RTL4: variants seen among roughly 807,000 people sequenced by gnomAD.
The protein encoded by RTL4 is retrotransposon Gag like 4.
RTL4 carries 4 observed loss-of-function variants against 5.3 expected under a neutral mutation model. The ratio of observed to expected loss-of-function variants is 0.75; its 90% CI spans 0.37 to 1.72. The LOEUF (loss-of-function observed/expected upper bound fraction) is 1.72, where lower values mean the gene tolerates loss of function less well. RTL4 is among the 40% of genes most tolerant of loss of function. RTL4 has a pLI of 0.04. For missense variants in RTL4, 260 were observed against 227.1 expected (o/e 1.14, Z -0.93); for synonymous variants, 98 against 87.3 (o/e 1.12, Z -0.68).
the RTL4 span, among the ~76,000 whole-genome samples, chrX:112,426,895 A>AAATGG: frequency 6.0e-3 from 675 of 111,592 alleles, 5 homozygotes; most frequent in Non-Finnish European, 0.011. Context: ...AAATGAAATG[A>AAATGG]AATAAAATCA....
the RTL4 span, among the ~76,000 whole-genome samples, chrX:112,153,069 G>C: frequency 9.0e-6 from 1 of 111,659 alleles, no homozygotes; most frequent in African/African-American, 3.2e-5. Context: ...TAATTTGTTG[G>C]CATTTTCTGC....
upstream of RTL4, among the ~76,000 whole-genome samples, chrX:112,451,810 T>C (rs938850198): frequency 1.8e-5 from 2 of 111,257 alleles, no homozygotes; most frequent in African/African-American, 6.5e-5. Flanking sequence ...GTACCACCCA[T>C]TTTATGTTAT....
At chrX:112,246,756 C>G in the RTL4 span, among the ~76,000 whole-genome samples, 1 of 111,340 alleles carries the variant, frequency 9.0e-6, no homozygotes, top group Non-Finnish European at 1.9e-5. Flanking sequence ...ATGAGATGAA[C>G]CAGGTACCTC....
the RTL4 span, among the ~76,000 whole-genome samples, chrX:112,205,597 G>A: frequency 6.4e-5 from 7 of 109,615 alleles, no homozygotes; most frequent in East Asian, 2.8e-4. Context: ...ACAGATACAC[G>A]TGTGCATGTA....
the RTL4 span, among the ~76,000 whole-genome samples, chrX:112,234,960 G>C: frequency 9.0e-6 from 1 of 111,392 alleles, no homozygotes; most frequent in Non-Finnish European, 1.9e-5. Context: ...TATCAAGTGG[G>C]AGGGTAGATT....
chrX:112,088,802 A>G, the RTL4 span, among the ~76,000 whole-genome samples: 1 of 112,344 alleles, frequency 8.9e-6, no homozygotes, highest in African/African-American at 3.2e-5. Flanking sequence ...GCATTTCCTC[A>G]GTGACAAAAG....
the RTL4 span, among the ~76,000 whole-genome samples, chrX:112,339,385 C>T: frequency 9.0e-6 from 1 of 111,522 alleles, no homozygotes; most frequent in Non-Finnish European, 1.9e-5. Context: ...AGATGATCTA[C>T]GTGTTCATAA....
the RTL4 span, among the ~76,000 whole-genome samples, chrX:112,218,117 T>G: frequency 8.9e-6 from 1 of 111,846 alleles, no homozygotes; most frequent in Admixed American, 9.5e-5. Context: ...TAAAAGCAAT[T>G]ATTATCAATG....
the RTL4 span, among the ~76,000 whole-genome samples, chrX:112,398,062 G>A: frequency 9.0e-6 from 1 of 111,497 alleles, no homozygotes; most frequent in Admixed American, 9.5e-5. Flanking sequence ...CATTCTTAGG[G>A]TAATATTAGG....
At chrX:112,392,132 G>T in the RTL4 span, among the ~76,000 whole-genome samples, 63 of 111,749 alleles carry the variant, frequency 5.6e-4, no homozygotes, top group Non-Finnish European at 1.1e-3. Context: ...TAGTCTGAGG[G>T]TAGCAAGGGC....
chrX:112,168,968 T>TTC, the RTL4 span, among the ~76,000 whole-genome samples: 1 of 107,806 alleles, frequency 9.3e-6, no homozygotes, highest in Non-Finnish European at 1.9e-5. Context: ...TCTTTCTTTT[T>TTC]CTTTCTTTCT....
chrX:112,353,624 A>G, the RTL4 span, among the ~76,000 whole-genome samples: 1 of 110,483 alleles, frequency 9.1e-6, no homozygotes, highest in Non-Finnish European at 1.9e-5. Context: ...ATAGGTGGGA[A>G]TTGAACAATG....
At chrX:112,415,745 A>G in the RTL4 span, among the ~76,000 whole-genome samples, 1 of 111,330 alleles carries the variant, frequency 9.0e-6, no homozygotes, top group Non-Finnish European at 1.9e-5. Flanking sequence ...ACCCTGTGGG[A>G]TAACTGGTAT....
At chrX:112,222,678 A>T in the RTL4 span, among the ~76,000 whole-genome samples, 2 of 110,669 alleles carry the variant, frequency 1.8e-5, no homozygotes, top group Admixed American at 9.6e-5. Flanking sequence ...GGATACAGTG[A>T]GCTGTGATCA....
At chrX:112,393,929 C>T in the RTL4 span, among the ~76,000 whole-genome samples, 2 of 111,784 alleles carry the variant, frequency 1.8e-5, no homozygotes, top group African/African-American at 6.5e-5. Flanking sequence ...GCTGGGAAGC[C>T]TGGAAAGCCT....
the RTL4 span, among the ~76,000 whole-genome samples, chrX:112,224,239 A>G: frequency 9.0e-6 from 1 of 111,695 alleles, no homozygotes; most frequent in East Asian, 2.8e-4. Context: ...GGACAACACT[A>G]CATGAGCTTG....
At chrX:112,314,764 G>A in the RTL4 span, among the ~76,000 whole-genome samples, 268 of 110,695 alleles carry the variant, frequency 2.4e-3, no homozygotes, top group African/African-American at 8.3e-3. Context: ...TATTTTACCA[G>A]CCCCACTTTT....
chrX:112,327,533 G>A, the RTL4 span, among the ~76,000 whole-genome samples: 574 of 109,520 alleles, frequency 5.2e-3, 2 homozygotes, highest in Non-Finnish European at 7.8e-3. Context: ...TGTCTGATTG[G>A]TGTACCTGAA....
At chrX:112,326,889 G>T in the RTL4 span, among the ~76,000 whole-genome samples, 8 of 111,588 alleles carry the variant, frequency 7.2e-5, no homozygotes, top group Non-Finnish European at 1.1e-4. Context: ...CCCCCCAGCA[G>T]GGGCACACTG....
Sources: gnomAD v4.1 joint callset for allele counts (sites outside exome capture counted in the v4.1 genomes callset) on GRCh38, gnomAD v4.1.1 for gene constraint, MANE v1.5 for transcripts, NCBI Gene and HGNC (gene_info 2026-07-23, HGNC 2026-07-21) for gene names.